The following RCOR1 variants were observed in gnomAD, a reference collection of about 807,000 sequenced individuals.
RCOR1 encodes the protein REST corepressor.
RCOR1 carries 12 observed loss-of-function variants against 64.0 expected under a neutral mutation model. The observed-to-expected ratio is 0.19, with a 90% CI of 0.12 to 0.30. RCOR1 has a LOEUF of 0.30. Ranked by LOEUF, RCOR1 falls within the 10% of genes least tolerant of loss-of-function variation. The probability of loss-of-function intolerance (pLI) is 1.00; values close to 1 mark genes in which losing one functional copy is unlikely to be tolerated. For synonymous variants in RCOR1, 279 were observed against 227.2 expected (o/e 1.23, Z -2.05); for missense variants, 502 against 621.2 (o/e 0.81, Z 2.04).
intron 2 of RCOR1, among the ~76,000 whole-genome samples, chr14:102,619,741 A>G (rs1318549976): frequency 6.6e-6 from 1 of 152,150 alleles, no homozygotes; most frequent in Non-Finnish European, 1.5e-5. Flanking sequence ...TCAGCCTCCC[A>G]AAGTGCTGGG....
intron 2 of RCOR1, chr14:102,657,294 T>C (rs1894747170): frequency 1.0e-6 from 1 of 985,252 alleles, no homozygotes; most frequent in African/African-American, 1.7e-5. Flanking sequence ...TGAGTCCTTT[T>C]AGGCGATATG....
In RCOR1 at chr14:102,653,971, C is replaced by CT. The variant is rs1894659012; in HGVS notation, c.362-27921dup. Reference sequence around the variant, plus strand: ...TCTTTCTTTCTTTCTTTCTTTCTTTCTTTCTTTCTTTCTTTTTTTTTTTTT... The same window carrying CT: ...TCTTTCTTTCTTTCTTTCTTTCTTTCTTTTCTTTCTTTCTTTTTTTTTTTTT... On this transcript the variant is annotated intron_variant, in intron 2 of 11. Coordinates refer to ENST00000262241, the MANE Select transcript of RCOR1 (RefSeq NM_015156.4). 8.0e-5 allele frequency among the ~76,000 whole-genome samples: 3 copies of CT among 37,432 alleles called. 1 individual carries two copies. The highest frequency in any genetic ancestry group is 5.8e-4 in the African/African-American group (3 of 5,162). The allele number at this position is 37,432 out of a possible 152,430, so 24.6% of individuals were successfully genotyped here. A position where few individuals can be genotyped will look rare whatever the true frequency, so the allele number is the denominator to read the frequency against.
intron 2 of RCOR1, among the ~76,000 whole-genome samples, chr14:102,665,150 C>T (rs1894892960): frequency 6.6e-6 from 1 of 151,986 alleles, no homozygotes; most frequent in South Asian, 2.1e-4. Flanking sequence ...GGATTACAGG[C>T]ATGCACCACC....
intron 3 of RCOR1, among the ~76,000 whole-genome samples, chr14:102,693,180 C>T (rs753958599): frequency 9.2e-5 from 14 of 152,120 alleles, no homozygotes; most frequent in Non-Finnish European, 1.9e-4. Flanking sequence ...CTCCTTAATT[C>T]TGCAGATCAG....
chr14:102,595,824 C>A (rs1893230490), intron 2 of RCOR1, among the ~76,000 whole-genome samples: 1 of 152,090 alleles, frequency 6.6e-6, no homozygotes, highest in Non-Finnish European at 1.5e-5. Flanking sequence ...CGTGATCCGC[C>A]CGTCTCGGCC....
intron 2 of RCOR1, among the ~76,000 whole-genome samples, chr14:102,612,731 G>A (rs968514385): frequency 6.6e-6 from 1 of 151,548 alleles, no homozygotes; most frequent in South Asian, 2.1e-4. Flanking sequence ...GCTCACACTT[G>A]TAATCCCAGC....
At chr14:102,593,663 G>T (rs1033117297) in intron 2 of RCOR1, among the ~76,000 whole-genome samples, 2 of 152,224 alleles carry the variant, frequency 1.3e-5, no homozygotes, top group African/African-American at 4.8e-5. Context: ...TCGGCCAGGG[G>T]TAAGGGTGGC....
At chr14:102,627,833 C>T (rs1274319606) in intron 2 of RCOR1, among the ~76,000 whole-genome samples, 2 of 152,050 alleles carry the variant, frequency 1.3e-5, no homozygotes, top group African/African-American at 4.8e-5. Flanking sequence ...CTAAATCCAG[C>T]AATCTGTTTG....
rs1260542584 is a variant in RCOR1 at position 102,678,117 on chromosome 14, C to G, written c.362-3778C>G. The stretch of plus-strand genomic sequence containing the variant: ...ACTCGGCAGGCTGAGGCAGGAGAAT[C>G]AGGCAGGGAGGTTGCAGTGAGCCGA... On this transcript the variant is annotated intron_variant, in intron 2 of 11. Coordinates refer to ENST00000262241, the MANE Select transcript of RCOR1 (RefSeq NM_015156.4). Among the ~76,000 whole-genome samples the G allele has an allele frequency of 6.6e-5, 10 of 151,462 alleles. 1 individual carries two copies. Among genetic ancestry groups the G allele is most frequent in the Admixed American group, 2.6e-4 (4 of 15,218 alleles).
intron 4 of RCOR1, among the ~76,000 whole-genome samples, chr14:102,706,698 G>A (rs942697626): frequency 6.6e-6 from 1 of 152,072 alleles, no homozygotes; most frequent in Admixed American, 6.6e-5. Context: ...GTGGTGGCAT[G>A]TGCCTGTATC....
chr14:102,711,035 GTTTA>G (rs1403601717), intron 7 of RCOR1, 22 bp downstream of exon 7: 5 of 1,476,048 alleles, frequency 3.4e-6, no homozygotes, highest in Non-Finnish European at 3.7e-6. Context: ...CCCTAGTATT[GTTTA>G]GGCGAATAAA....
At chr14:102,606,219 C>A (rs1192954786) in intron 2 of RCOR1, among the ~76,000 whole-genome samples, 1 of 152,156 alleles carries the variant, frequency 6.6e-6, no homozygotes, top group Non-Finnish European at 1.5e-5. Context: ...AGCCACCGTG[C>A]CCGGCCTAAT....
chr14:102,610,260 A>G (rs1372405616), intron 2 of RCOR1, among the ~76,000 whole-genome samples: 1 of 152,280 alleles, frequency 6.6e-6, no homozygotes, highest in East Asian at 1.9e-4. Flanking sequence ...TGAAAAGTTT[A>G]ATCTTTAAAA....
chr14:102,599,903 A>G (rs930665431), intron 2 of RCOR1, among the ~76,000 whole-genome samples: 2 of 150,818 alleles, frequency 1.3e-5, no homozygotes, highest in African/African-American at 4.9e-5. Context: ...TCCCAGACTC[A>G]AGTGATCCTC....
At chr14:102,724,744 A>T (rs949100980) in intron 11 of RCOR1, among the ~76,000 whole-genome samples, 1 of 152,172 alleles carries the variant, frequency 6.6e-6, no homozygotes, top group African/African-American at 2.4e-5. Flanking sequence ...TCTAGTGACC[A>T]GCTGCTTCTC....
chr14:102,626,188 C>T (rs537578713), intron 2 of RCOR1, among the ~76,000 whole-genome samples: 18 of 152,204 alleles, frequency 1.2e-4, no homozygotes, highest in Non-Finnish European at 1.9e-4. Context: ...AAATTCCAGT[C>T]ATTAGAACAC....
At chr14:102,668,517 T>C (rs1294686601) in intron 2 of RCOR1, among the ~76,000 whole-genome samples, 1 of 152,176 alleles carries the variant, frequency 6.6e-6, no homozygotes, top group Non-Finnish European at 1.5e-5. Flanking sequence ...GTATGTCAGT[T>C]GTGGCATGAT....
chr14:102,604,100 C>T (rs936151376), intron 2 of RCOR1, among the ~76,000 whole-genome samples: 3 of 152,084 alleles, frequency 2.0e-5, no homozygotes, highest in Non-Finnish European at 4.4e-5. Context: ...ATGAATGTTA[C>T]TGAGAATTGA....
chr14:102,681,184 A>G (rs1895294757), intron 2 of RCOR1, among the ~76,000 whole-genome samples: 2 of 152,130 alleles, frequency 1.3e-5, no homozygotes, highest in African/African-American at 4.8e-5. Flanking sequence ...CATAACTTTC[A>G]TCATATTTTC....
Sources: allele counts gnomAD v4.1 joint callset (sites outside exome capture counted in the v4.1 genomes callset), GRCh38; gene constraint gnomAD v4.1.1; transcripts MANE v1.5; gene names NCBI Gene and HGNC (gene_info 2026-07-23, HGNC 2026-07-21).